The following ADAMTS3 variants were observed in gnomAD, a reference collection of about 807,000 sequenced individuals.
ADAMTS3 encodes ADAM metallopeptidase with thrombospondin type 1 motif 3, also known as A disintegrin and metalloproteinase with thrombospondin motifs 3.
Under a neutral mutation model 129.0 loss-of-function variants are expected in ADAMTS3, and 73 were observed. The observed-to-expected ratio is 0.57, with a 90% CI of 0.47 to 0.69. The LOEUF is 0.69. ADAMTS3 is among the 30% of genes least tolerant of loss of function. The probability of loss-of-function intolerance (pLI) is 0.00; values close to 1 mark genes in which losing one functional copy is unlikely to be tolerated. For missense variants in ADAMTS3, 1,457 were observed against 1,514.5 expected (o/e 0.96, Z 0.63); for synonymous variants, 477 against 510.8 (o/e 0.93, Z 0.89).
intron 19 of ADAMTS3, 121 bp downstream of exon 19, chr4:72,295,533 G>T: frequency 1.0e-6 from 1 of 1,003,856 alleles, no homozygotes; most frequent in Non-Finnish European, 1.4e-6. Context: ...GAAGTGACTT[G>T]ACTATTTAAA....
At chr4:72,402,553 A>T (rs1021825815) in intron 4 of ADAMTS3, among the ~76,000 whole-genome samples, 2 of 152,116 alleles carry the variant, frequency 1.3e-5, no homozygotes, top group African/African-American at 4.8e-5. Flanking sequence ...GAATTAGCTG[A>T]AACATGTTAG....
intron 4 of ADAMTS3, among the ~76,000 whole-genome samples, chr4:72,398,346 C>T (rs1198544101): frequency 6.6e-6 from 1 of 152,070 alleles, no homozygotes; most frequent in African/African-American, 2.4e-5. Context: ...CACCTGAGGT[C>T]AGGAGGTCAA....
intron 11 of ADAMTS3, among the ~76,000 whole-genome samples, chr4:72,314,393 T>A (rs1719333777): frequency 1.3e-5 from 2 of 151,964 alleles, no homozygotes; most frequent in African/African-American, 4.8e-5. Context: ...CCCAGAAAGG[T>A]TCATAAGTAG....
intron 3 of ADAMTS3, among the ~76,000 whole-genome samples, chr4:72,503,642 C>T (rs1055227578): frequency 6.6e-6 from 1 of 152,082 alleles, no homozygotes; most frequent in Non-Finnish European, 1.5e-5. Flanking sequence ...GAATTTAAGT[C>T]CAGAATTTCT....
rs139880149 is a variant in ADAMTS3, at chr4:72,334,453, T to C, written c.861+5041A>G. On this transcript the variant is annotated intron_variant, in intron 5 of 21. Transcript: ENST00000286657. ...GCTTAATAATATACAGTAACTGCAC[T>C]CAAGGAACAATCAACCTATTAGAGG... Among the ~76,000 whole-genome samples the C allele has an allele frequency of 5.2e-3, 795 of 152,268 alleles. 5 individuals carry two copies. Among genetic ancestry groups the C allele is most frequent in the Middle Eastern group, 0.037 (11 of 294 alleles).
chr4:72,461,622 C>T (rs73825540), intron 3 of ADAMTS3, among the ~76,000 whole-genome samples: 5,035 of 151,824 alleles, frequency 0.033, 276 homozygotes, highest in African/African-American at 0.12. Context: ...TTCTTGTGGA[C>T]CGATGGTAAA....
chr4:72,330,983 CA>C (rs112046763), intron 5 of ADAMTS3, among the ~76,000 whole-genome samples: 5,634 of 152,062 alleles, frequency 0.037, 348 homozygotes, highest in African/African-American at 0.13. Context: ...AAGGTTGTAA[CA>C]AAGTAAGGAA....
At chr4:72,401,726 GA>G (rs951285859) in intron 4 of ADAMTS3, among the ~76,000 whole-genome samples, 9 of 151,986 alleles carry the variant, frequency 5.9e-5, no homozygotes, top group South Asian at 4.2e-4. Flanking sequence ...TGTGATTTAA[GA>G]AAAAAAGTCA....
At position 72,316,358 on chromosome 4, in the gene ADAMTS3, TATCTCTG is replaced by T. The variant is rs533581834; in HGVS notation, c.1486-394_1486-388del. Among the ~76,000 whole-genome samples, 244 of 152,310 alleles carry T rather than the reference TATCTCTG, an allele frequency of 1.6e-3. 1 individual carries two copies. Among genetic ancestry groups the T allele is most frequent in the African/African-American group, 5.5e-3 (227 of 41,582 alleles). On this transcript the variant is annotated intron_variant, in intron 10 of 21. Coordinates refer to ENST00000286657, the MANE Select transcript of ADAMTS3 (RefSeq NM_014243.3). The stretch of plus-strand genomic sequence containing the variant: ...TCAAGCTATCAAAATGTCTTTTCTT[TATCTCTG>T]TAGGTATCAGATAGATAGTTGAATA...
chr4:72,482,385 T>C (rs1187584992), intron 3 of ADAMTS3, among the ~76,000 whole-genome samples: 2 of 151,782 alleles, frequency 1.3e-5, no homozygotes, highest in East Asian at 1.9e-4. Flanking sequence ...CAGAAAATTA[T>C]GCAGAGCAAA....
chr4:72,454,774 G>A (rs1472977351), intron 3 of ADAMTS3, among the ~76,000 whole-genome samples: 3 of 151,682 alleles, frequency 2.0e-5, no homozygotes, highest in Admixed American at 2.0e-4. Context: ...AGCAGTGGAG[G>A]AGAAACAGGG....
At chr4:72,498,985 T>C (rs1003890327) in intron 3 of ADAMTS3, among the ~76,000 whole-genome samples, 3 of 152,106 alleles carry the variant, frequency 2.0e-5, no homozygotes, top group Admixed American at 6.6e-5. Flanking sequence ...CACAGACCAC[T>C]TGCATCATAA....
intron 5 of ADAMTS3, among the ~76,000 whole-genome samples, chr4:72,328,141 T>C (rs1480350558): frequency 6.6e-6 from 1 of 152,182 alleles, no homozygotes; most frequent in Non-Finnish European, 1.5e-5. Context: ...TATTGGACCA[T>C]GGGTAGATTT....
chr4:72,455,714 C>G (rs113873885), intron 3 of ADAMTS3, among the ~76,000 whole-genome samples: 1 of 144,644 alleles, frequency 6.9e-6, no homozygotes, highest in African/African-American at 2.6e-5. Context: ...TGATATCTGT[C>G]GGCTTTATCA....
At chr4:72,360,083 T>C (rs1343534656) in intron 4 of ADAMTS3, among the ~76,000 whole-genome samples, 2 of 152,088 alleles carry the variant, frequency 1.3e-5, no homozygotes, top group African/African-American at 4.8e-5. Context: ...GTTCTCATTT[T>C]ACCAATTATT....
chr4:72,515,352 G>C (rs1241863188), intron 3 of ADAMTS3, among the ~76,000 whole-genome samples: 3 of 151,638 alleles, frequency 2.0e-5, no homozygotes, highest in South Asian at 2.1e-4. Context: ...TATATACCCA[G>C]TAATGGGATG....
intron 4 of ADAMTS3, among the ~76,000 whole-genome samples, chr4:72,355,150 T>G (rs1431550624): frequency 6.6e-6 from 1 of 151,904 alleles, no homozygotes; most frequent in African/African-American, 2.4e-5. Context: ...TCATTTTTTT[T>G]TGCAATTTTA....
At chr4:72,567,327 C>A (rs1269571733) in intron 2 of ADAMTS3, 47 bp downstream of exon 2, 2 of 1,594,372 alleles carry the variant, frequency 1.3e-6, no homozygotes, top group Non-Finnish European at 1.7e-6. Flanking sequence ...ACTTCATTCC[C>A]TTACTTTCAA....
At chr4:72,412,619 T>C (rs1722209942) in intron 4 of ADAMTS3, among the ~76,000 whole-genome samples, 1 of 152,060 alleles carries the variant, frequency 6.6e-6, no homozygotes, top group African/African-American at 2.4e-5. Context: ...ACAACTTAAT[T>C]CAATCAGAAC....
Sources: gnomAD v4.1 joint callset for allele counts (sites outside exome capture counted in the v4.1 genomes callset) on GRCh38, gnomAD v4.1.1 for gene constraint, MANE v1.5 for transcripts, NCBI Gene and HGNC (gene_info 2026-07-23, HGNC 2026-07-21) for gene names.